Variants in ANK3 observed in about 807,000 individuals in gnomAD.
ANK3 encodes the protein ankyrin-3.
Under a neutral mutation model 370.9 loss-of-function variants are expected in ANK3, and 57 were observed. The observed-to-expected ratio is 0.15, with a 90% confidence interval of 0.12 to 0.19. ANK3 has a LOEUF of 0.19. Ranked by LOEUF, ANK3 falls within the 10% of genes least tolerant of loss-of-function variation. The pLI is 1.00. For missense variants in ANK3, 4,439 were observed against 5,302.1 expected (o/e 0.84, Z 5.06); for synonymous variants, 1,929 against 1,946.3 (o/e 0.99, Z 0.23).
At chr10:60,383,137 T>C (rs1173511053) in intron 1 of ANK3, among the ~76,000 whole-genome samples, 2 of 152,068 alleles carry the variant, frequency 1.3e-5, no homozygotes, top group African/African-American at 2.4e-5. Context: ...ACCAGGTATT[T>C]CTGTGACCTG....
intron 25 of ANK3, among the ~76,000 whole-genome samples, chr10:60,122,653 T>C (rs1173115443): frequency 6.6e-6 from 1 of 152,224 alleles, no homozygotes; most frequent in Non-Finnish European, 1.5e-5. Context: ...AGAAAACATA[T>C]ACGTCAAAGT....
At chr10:60,519,827 T>A (rs2076307693) in intron 2 of ANK3, among the ~76,000 whole-genome samples, 1 of 152,086 alleles carries the variant, frequency 6.6e-6, no homozygotes, top group South Asian at 2.1e-4. Flanking sequence ...AAGATAACAC[T>A]GGGAAATACG....
At chr10:60,426,271 C>G (rs1159153402) in intron 2 of ANK3, among the ~76,000 whole-genome samples, 3 of 151,988 alleles carry the variant, frequency 2.0e-5, no homozygotes, top group African/African-American at 4.8e-5. Flanking sequence ...CTCCTCTCTC[C>G]TTTCTCCTTG....
chr10:60,240,547 A>G (rs1184574591), intron 7 of ANK3, among the ~76,000 whole-genome samples: 1 of 150,788 alleles, frequency 6.6e-6, no homozygotes, highest in Admixed American at 6.6e-5. Context: ...CAGGTGATCC[A>G]CCTGCCTCGG....
At chr10:60,471,469 G>T (rs2065217055) in intron 2 of ANK3, among the ~76,000 whole-genome samples, 1 of 152,026 alleles carries the variant, frequency 6.6e-6, no homozygotes, top group African/African-American at 2.4e-5. Flanking sequence ...CTTATTAATG[G>T]CTGCCTGGTA....
chr10:60,386,153 C>A (rs954415465), intron 1 of ANK3, among the ~76,000 whole-genome samples: 12 of 152,080 alleles, frequency 7.9e-5, no homozygotes, highest in Non-Finnish European at 1.2e-4. Flanking sequence ...CTTGCTCAGT[C>A]AGGGCAGGGA....
chr10:60,631,376 A>G (rs2078481518), intron 1 of ANK3, among the ~76,000 whole-genome samples: 1 of 151,940 alleles, frequency 6.6e-6, no homozygotes, highest in Non-Finnish European at 1.5e-5. Context: ...AAAATACCAA[A>G]AAAAAATTAT....
At chr10:60,165,134 A>G (rs1335905911) in intron 23 of ANK3, among the ~76,000 whole-genome samples, 2 of 152,338 alleles carry the variant, frequency 1.3e-5, no homozygotes, top group East Asian at 3.9e-4. Flanking sequence ...TCGTTAATGA[A>G]CAGTAAATTT....
intron 2 of ANK3, among the ~76,000 whole-genome samples, chr10:60,452,365 G>T (rs527644135): frequency 6.6e-6 from 1 of 152,320 alleles, no homozygotes; most frequent in South Asian, 2.1e-4. Context: ...AGCAACCAGG[G>T]TTGTTCCTTT....
intron 2 of ANK3, among the ~76,000 whole-genome samples, chr10:60,424,444 T>C (rs573772005): frequency 6.6e-5 from 10 of 152,166 alleles, no homozygotes; most frequent in Admixed American, 6.5e-4. Flanking sequence ...AAGATAGAGA[T>C]GGAAGCTAGC....
chr10:60,219,947 C>T (rs1408502770), intron 8 of ANK3, among the ~76,000 whole-genome samples: 2 of 152,080 alleles, frequency 1.3e-5, no homozygotes, highest in Non-Finnish European at 1.5e-5. Context: ...CTTTGGAGCA[C>T]GTTTATATCT....
At chr10:60,357,285 A>C (rs2057910452) in intron 1 of ANK3, among the ~76,000 whole-genome samples, 1 of 152,142 alleles carries the variant, frequency 6.6e-6, no homozygotes, top group Non-Finnish European at 1.5e-5. Context: ...CGTCACCTCC[A>C]AAGTAACTAT....
At chr10:60,652,169 T>A (rs2078797899) in intron 1 of ANK3, among the ~76,000 whole-genome samples, 1 of 152,052 alleles carries the variant, frequency 6.6e-6, no homozygotes, top group African/African-American at 2.4e-5. Context: ...AGCACTCAAG[T>A]AATCCCAGGT....
At chr10:60,558,641 T>C (rs974898203) in intron 2 of ANK3, among the ~76,000 whole-genome samples, 1 of 152,214 alleles carries the variant, frequency 6.6e-6, no homozygotes, top group African/African-American at 2.4e-5. Flanking sequence ...AATATACTTA[T>C]GTTAATAATC....
At chr10:60,282,580 A>C (rs1024944845) in intron 1 of ANK3, among the ~76,000 whole-genome samples, 1 of 152,094 alleles carries the variant, frequency 6.6e-6, no homozygotes, top group Non-Finnish European at 1.5e-5. Flanking sequence ...CAGGAGTGCT[A>C]AGCTTGCTCA....
At chr10:60,312,946 T>C (rs10761477) in intron 1 of ANK3, among the ~76,000 whole-genome samples, 88,394 of 152,036 alleles carry the variant, frequency 0.58, 26,283 homozygotes, top group South Asian at 0.78. Flanking sequence ...AGTTCCATGA[T>C]TGAGAGCCAT....
At chr10:60,463,901 C>T (rs1343573063) in intron 2 of ANK3, among the ~76,000 whole-genome samples, 1 of 151,994 alleles carries the variant, frequency 6.6e-6, no homozygotes, top group East Asian at 1.9e-4. Context: ...ATGATGGCTA[C>T]ATTCCACCAA....
At chr10:60,044,131 G>C in intron 42 of ANK3, 4 of 985,548 alleles carry the variant, frequency 4.1e-6, no homozygotes, top group Non-Finnish European at 4.8e-6. Context: ...CTTTCCGAGT[G>C]ATCTGTAGGA....
intron 2 of ANK3, among the ~76,000 whole-genome samples, chr10:60,455,630 T>C (rs763357275): frequency 2.0e-5 from 3 of 152,170 alleles, no homozygotes; most frequent in East Asian, 1.9e-4. Context: ...GGAAATTACA[T>C]TGATTTTAGT....
Sources: gnomAD v4.1 joint callset for allele counts (sites outside exome capture counted in the v4.1 genomes callset) on GRCh38, gnomAD v4.1.1 for gene constraint, MANE v1.5 for transcripts, NCBI Gene and HGNC (gene_info 2026-07-23, HGNC 2026-07-21) for gene names.